Variants in PARP9 observed in about 807,000 individuals in gnomAD.
PARP9 encodes poly(ADP-ribose) polymerase family member 9.
In PARP9, 48 loss-of-function variants were observed where a neutral mutation model predicts 68.8. The observed-to-expected ratio is 0.70, with a 90% CI of 0.55 to 0.89. The LOEUF (loss-of-function observed/expected upper bound fraction) is 0.89. Ranked by LOEUF, PARP9 falls within the 40% of genes least tolerant of loss-of-function variation. The pLI is 0.00. For missense variants in PARP9, 806 were observed against 969.3 expected, an observed-to-expected ratio of 0.83 and a Z score of 2.24; for synonymous variants, 309 against 333.8, an observed-to-expected ratio of 0.93 and a Z score of 0.81.
rs764033222 is a variant in PARP9, at chr3:122,550,695, T to A, written c.1215A>T (p.Glu405Asp). The change falls in exon 6 of 11, where the codon GAA becomes GAT. Residue 405 changes from glutamate to aspartate, a missense_variant. Around this residue, in one of 2 missense-constraint regions of PARP9, gnomAD observed 680 missense variants for 858.8 expected, o/e 0.79. Coordinates refer to ENST00000682323, the MANE Select transcript of PARP9 (RefSeq NM_001146105.2). Reference sequence around the variant, plus strand: ...CATCAAACAAAATCTCTGCTGCTGTTTCCTTCTTTATTTCCATGTTTCCAG... The same window carrying A: ...CATCAAACAAAATCTCTGCTGCTGTATCCTTCTTTATTTCCATGTTTCCAG... Reference protein sequence around the residue: ...LGTGNMEIKKETAAEILFDEV... With the variant: ...LGTGNMEIKKDTAAEILFDEV... 6.2e-7 allele frequency: 1 copy of A among 1,614,166 alleles called. No individual in the cohort carries two copies. Among genetic ancestry groups the A allele is most frequent in the South Asian group, 1.1e-5 (1 of 91,078 alleles).
At chr3:122,551,358 G>C (rs926806469) in intron 5 of PARP9, among the ~76,000 whole-genome samples, 4 of 152,216 alleles carry the variant, frequency 2.6e-5, no homozygotes, top group African/African-American at 9.6e-5. Context: ...TAGAGGACCA[G>C]TTTGGGATTA....
intron 5 of PARP9, 55 bp from the exon 6 acceptor site, chr3:122,550,857 T>C: frequency 6.8e-7 from 1 of 1,466,552 alleles, no homozygotes; most frequent in Non-Finnish European, 9.5e-7. Context: ...AAGACTCCAC[T>C]TACCCCTTGA....
intron 1 of PARP9, among the ~76,000 whole-genome samples, chr3:122,561,568 T>A (rs2080207762): frequency 6.6e-6 from 1 of 152,224 alleles, no homozygotes. Flanking sequence ...ACTCTTTGAT[T>A]CCTGAAATTC....
intron 10 of PARP9, chr3:122,532,114 T>C (rs1485901359): frequency 2.0e-6 from 2 of 979,422 alleles, no homozygotes; most frequent in South Asian, 4.7e-5. Context: ...ATCACCTGAG[T>C]GGAGAGTGGC....
intron 10 of PARP9, chr3:122,532,000 G>C (rs151191754): frequency 2.8e-6 from 1 of 355,856 alleles, no homozygotes; most frequent in African/African-American, 2.2e-5. Flanking sequence ...GAGTCAAGAG[G>C]GGGCAGAACA....
chr3:122,539,468 A>T (rs572906369), intron 8 of PARP9, among the ~76,000 whole-genome samples: 3 of 151,936 alleles, frequency 2.0e-5, no homozygotes, highest in South Asian at 2.1e-4. Context: ...TAGTTGAATG[A>T]TATCTATATC....
Position 122,528,160 on chromosome 3 carries a change from G to C in PARP9, c.*204C>G. On this transcript the variant is annotated 3_prime_UTR_variant, in exon 11 of 11. Transcript: ENST00000682323. Reference sequence around the variant, plus strand: ...GGAAGGTCCTGAAAGTGTTTCATTTGGTATCTACCTACCCCAACCCCAAGA... The same window carrying C: ...GGAAGGTCCTGAAAGTGTTTCATTTCGTATCTACCTACCCCAACCCCAAGA... 2.0e-6 allele frequency: 1 copy of C among 492,882 alleles called. No individual in the cohort carries two copies. 30.5% of individuals were successfully genotyped at this position (492,882 alleles called of 1,614,324 possible).
chr3:122,550,803 C>G lies in PARP9; in HGVS notation c.1108-1G>C. On this transcript the variant is annotated splice_acceptor_variant, in intron 5 of 10. Coordinates refer to ENST00000682323, the MANE Select transcript of PARP9 (RefSeq NM_001146105.2). LOFTEE classifies it high-confidence loss of function. ...ACTCCTTCATTGCATGTTTTAATAT[C>G]TGCAGGAAAACACAAATTTAAGATC... The G allele has an allele frequency of 6.2e-7, 1 of 1,611,176 alleles. No homozygotes were observed. The highest frequency in any genetic ancestry group is 8.5e-7 in the Non-Finnish European group (1 of 1,177,910).
chr3:122,535,843 C>CAAAAAAAAA (rs10716375), intron 10 of PARP9: 3 of 846,178 alleles, frequency 3.5e-6, no homozygotes, highest in Non-Finnish European at 4.2e-6. Context: ...ATAAGTAAGG[C>CAAAAAAAAA]AAAAAAAAAA....
intron 3 of PARP9, chr3:122,558,218 C>G (rs373122946): frequency 7.6e-7 from 1 of 1,319,746 alleles, no homozygotes. Flanking sequence ...CTCACATTTA[C>G]GGGCAAAGGA....
At position 122,528,186 on chromosome 3, in the gene PARP9, C is replaced by T; in HGVS notation, c.*178G>A. 9 of 741,890 alleles carry T rather than the reference C, an allele frequency of 1.2e-5. No individual in the cohort carries two copies. The highest frequency in any genetic ancestry group is 1.7e-5 in the Non-Finnish European group (8 of 475,402). 46.0% of individuals were successfully genotyped at this position (741,890 alleles called of 1,614,324 possible). A position where few individuals can be genotyped will look rare whatever the true frequency, so the allele number is the denominator to read the frequency against. On this transcript the variant is annotated 3_prime_UTR_variant, in exon 11 of 11. Transcript: ENST00000682323. ...GTATCTACCTACCCCAACCCCAAGA[C>T]ATAAAGACAGATAAAGGCACTAAGA... is the stretch of plus-strand genomic sequence containing the variant.
At chr3:122,541,528 A>G (rs2078231440) in intron 7 of PARP9, among the ~76,000 whole-genome samples, 1 of 152,256 alleles carries the variant, frequency 6.6e-6, no homozygotes, top group African/African-American at 2.4e-5. Context: ...TTTAAAATCA[A>G]ACATCTCTGA....
rs186642026 is a variant in PARP9, at chr3:122,562,985, A to G, written c.-90+1260T>C. ...AAATGGAACTCCAGAACCAAAAAGT[A>G]TATGCAGTTGTAATTCTGACAGTAT... On this transcript the variant is annotated intron_variant, in intron 1 of 10. Transcript: ENST00000682323. Among the ~76,000 whole-genome samples, 520 of 152,294 alleles carry G rather than the reference A, an allele frequency of 3.4e-3. 3 individuals are homozygous for G. The highest frequency in any genetic ancestry group is 0.01 in the Middle Eastern group (3 of 294).
chr3:122,536,000 C>A, intron 10 of PARP9, 168 bp downstream of exon 10: 1 of 1,505,448 alleles, frequency 6.6e-7, no homozygotes, highest in Admixed American at 2.3e-5. Context: ...TAAAAAATAC[C>A]ACTCTTTCCA....
intron 10 of PARP9, chr3:122,534,491 T>A (rs2077505186): frequency 1.1e-6 from 1 of 941,552 alleles, no homozygotes; most frequent in South Asian, 4.9e-5. Context: ...CTTCTCCCCT[T>A]TCAACATGAG....
chr3:122,550,974 A>G (rs968299967), intron 5 of PARP9, among the ~76,000 whole-genome samples, 172 bp from the exon 6 acceptor site: 1 of 152,162 alleles, frequency 6.6e-6, no homozygotes, highest in Non-Finnish European at 1.5e-5. Context: ...CCATTATGGT[A>G]TAAGGTTAGA....
intron 10 of PARP9, chr3:122,533,926 A>C (rs546331756): frequency 1.0e-5 from 10 of 985,382 alleles, no homozygotes; most frequent in Non-Finnish European, 7.2e-6. Flanking sequence ...TTTGTACTCC[A>C]AATAACAACA....
chr3:122,536,398 T>A, intron 9 of PARP9, 56 bp from the exon 10 acceptor site: 2 of 1,588,896 alleles, frequency 1.3e-6, no homozygotes, highest in South Asian at 2.3e-5. Flanking sequence ...CTCTTTAAAT[T>A]GCCTGCTATA....
chr3:122,556,833 T>C (rs2079728980), intron 3 of PARP9, among the ~76,000 whole-genome samples: 1 of 152,152 alleles, frequency 6.6e-6, no homozygotes, highest in South Asian at 2.1e-4. Context: ...TCTTTTTCTT[T>C]TGAGACAGGG....
Sources: allele counts gnomAD v4.1 joint callset (sites outside exome capture counted in the v4.1 genomes callset), GRCh38; gene constraint gnomAD v4.1.1; regional missense constraint gnomAD v4.1.1; transcripts MANE v1.5; gene names NCBI Gene and HGNC (gene_info 2026-07-23, HGNC 2026-07-21).